ST8SIA6: variants seen among roughly 807,000 people sequenced by gnomAD.
The protein encoded by ST8SIA6 is alpha-2,8-sialyltransferase 8F.
Under a neutral mutation model 33.6 loss-of-function variants are expected in ST8SIA6, and 39 were observed. The observed-to-expected ratio is 1.16, with a 90% CI of 0.90 to 1.52. ST8SIA6 has a LOEUF of 1.52. Among genes scored for constraint, ST8SIA6 ranks in the 40% most tolerant of loss-of-function variants. The pLI, the probability that ST8SIA6 is intolerant of heterozygous loss-of-function variation, is 0.00. For missense variants in ST8SIA6, 441 were observed against 443.8 expected (o/e 0.99, Z 0.06); for synonymous variants, 172 against 167.2 (o/e 1.03, Z -0.22).
intron 2 of ST8SIA6, among the ~76,000 whole-genome samples, chr10:17,438,628 C>T (rs1408735013): frequency 1.3e-5 from 2 of 152,192 alleles, no homozygotes; most frequent in Admixed American, 6.5e-5. Flanking sequence ...TCCCTTCCTA[C>T]ACCTCCTCCT....
At chr10:17,406,660 C>G (rs1047884844) in intron 2 of ST8SIA6, among the ~76,000 whole-genome samples, 1 of 152,264 alleles carries the variant, frequency 6.6e-6, no homozygotes, top group African/African-American at 2.4e-5. Context: ...CTTGGCAGGC[C>G]TCTTAAGGCA....
chr10:17,396,231 T>C (rs1375441450), intron 2 of ST8SIA6, among the ~76,000 whole-genome samples: 4 of 152,240 alleles, frequency 2.6e-5, no homozygotes, highest in African/African-American at 9.6e-5. Context: ...TCTTGTCACC[T>C]GGCAAATCTG....
rs546508728 is a variant in ST8SIA6 at position 17,395,673 on chromosome 10, G to T, written c.201-5053C>A. Among the ~76,000 whole-genome samples, 8 of 152,052 alleles carry T rather than the reference G, an allele frequency of 5.3e-5. No homozygotes were observed. In the South Asian group the frequency reaches 8.3e-4, roughly 16 times the overall value. ...CAAGGCGGGCAGATCACCTGTGGTC[G>T]AGAGTTCAAGACCAGCCTGACCAAC... On this transcript the variant is annotated intron_variant, in intron 2 of 7. Transcript: ENST00000377602.
intron 3 of ST8SIA6, among the ~76,000 whole-genome samples, chr10:17,362,700 C>T (rs771758259): frequency 5.3e-5 from 8 of 152,078 alleles, no homozygotes; most frequent in Non-Finnish European, 1.2e-4. Flanking sequence ...TTTTCATTAA[C>T]CTAGGAAATG....
intron 7 of ST8SIA6, 125 bp from the exon 8 acceptor site, chr10:17,321,471 A>T (rs1847947462): frequency 1.3e-6 from 1 of 744,700 alleles, no homozygotes; most frequent in Non-Finnish European, 2.1e-6. Flanking sequence ...TATATAAAAC[A>T]GATAAAGTGT....
At chr10:17,381,227 G>C (rs1463599859) in intron 3 of ST8SIA6, among the ~76,000 whole-genome samples, 6 of 151,988 alleles carry the variant, frequency 3.9e-5, no homozygotes, top group Non-Finnish European at 8.8e-5. Flanking sequence ...TGTAAATTTT[G>C]CTATTTGATT....
chr10:17,454,082 G>A lies in ST8SIA6; in HGVS notation c.101+73C>T. 1 of 246,100 alleles carries A rather than the reference G, an allele frequency of 4.1e-6. No individual in the cohort carries two copies. Among genetic ancestry groups the A allele is most frequent in the Non-Finnish European group, 7.7e-6 (1 of 129,652 alleles). The allele number at this position is 246,100 out of a possible 1,614,324, so 15.2% of individuals were successfully genotyped here. On this transcript the variant is annotated intron_variant, in intron 1 of 7. Coordinates refer to ENST00000377602, the MANE Select transcript of ST8SIA6 (RefSeq NM_001004470.3). The surrounding 1 kb of genome is among the most constrained non-coding windows in gnomAD (Gnocchi z 4.1). ...GTCTCCGCGCCCGAGGGGAAGCGAT[G>A]GGCGGCTTGGGGGTCCGGGGGCGCC...
At chr10:17,409,136 T>G (rs556097420) in intron 2 of ST8SIA6, among the ~76,000 whole-genome samples, 3 of 152,294 alleles carry the variant, frequency 2.0e-5, no homozygotes, top group African/African-American at 7.2e-5. Context: ...GTTGACTCCA[T>G]GCTAATTTGA....
chr10:17,321,183 A>G lies in ST8SIA6; in HGVS notation c.892T>C (p.Phe298Leu). ...EESKARQKVLFFHPKYLKDLA... is the reference protein window; with the variant it reads ...EESKARQKVLLFHPKYLKDLA... ...TCTTTCAGGTACTTGGGATGGAAAA[A>G]TAGAACCTTTTGTCTTGCTTTAGAC... Residue 298 changes from phenylalanine (F) to leucine (L), a missense_variant, in exon 8 of 8, where the codon TTT (phenylalanine) becomes CTT (leucine). Phe to Leu is a conservative substitution (Grantham distance 22, BLOSUM62 0). Coordinates refer to ENST00000377602, the MANE Select transcript of ST8SIA6 (RefSeq NM_001004470.3). The G allele has an allele frequency of 6.2e-7, 1 of 1,614,140 alleles. No individual in the cohort carries two copies. The highest frequency in any genetic ancestry group is 8.5e-7 in the Non-Finnish European group (1 of 1,179,998).
intron 4 of ST8SIA6, among the ~76,000 whole-genome samples, chr10:17,336,309 G>A (rs996327027): frequency 2.0e-5 from 3 of 152,138 alleles, no homozygotes; most frequent in South Asian, 2.1e-4. Flanking sequence ...AAACCTGTAG[G>A]AAAGTTAAAA....
intron 3 of ST8SIA6, among the ~76,000 whole-genome samples, chr10:17,387,750 TAA>T (rs1382970279): frequency 6.6e-6 from 1 of 152,214 alleles, no homozygotes; most frequent in Non-Finnish European, 1.5e-5. Flanking sequence ...GTGAAAAAGT[TAA>T]GAGATTTCTG....
intron 5 of ST8SIA6, 89 bp downstream of exon 5, chr10:17,331,319 G>T (rs11817860): frequency 0.023 from 33,300 of 1,439,926 alleles, 469 homozygotes; most frequent in African/African-American, 0.048. Context: ...TTTTAATTGA[G>T]TCCATCATAA....
intron 2 of ST8SIA6, chr10:17,398,987 T>C (rs1850929544): frequency 6.6e-6 from 1 of 152,208 alleles, no homozygotes; most frequent in Non-Finnish European, 1.5e-5. Context: ...GCAAGCATCG[T>C]AGTCTACTGC....
intron 3 of ST8SIA6, among the ~76,000 whole-genome samples, chr10:17,370,706 C>T (rs1216785481): frequency 6.6e-6 from 1 of 152,146 alleles, no homozygotes; most frequent in East Asian, 1.9e-4. Context: ...TTTATCATCT[C>T]TTGTCATTTC....
intron 2 of ST8SIA6, among the ~76,000 whole-genome samples, chr10:17,404,320 A>G (rs1436924790): frequency 6.6e-6 from 1 of 152,124 alleles, no homozygotes. Context: ...CTCAGACGTT[A>G]CGCCATTCTA....
intron 4 of ST8SIA6, among the ~76,000 whole-genome samples, chr10:17,354,369 A>G (rs919442684): frequency 2.6e-5 from 4 of 152,122 alleles, no homozygotes; most frequent in Admixed American, 1.3e-4. Flanking sequence ...ATCCAGGTAG[A>G]TTTTTCACAA....
chr10:17,352,090 T>C (rs1226208919), intron 4 of ST8SIA6, among the ~76,000 whole-genome samples: 1 of 152,162 alleles, frequency 6.6e-6, no homozygotes, highest in Non-Finnish European at 1.5e-5. Flanking sequence ...ATATGTTAAT[T>C]AGCTTGATAT....
chr10:17,362,861 G>T (rs553111531), intron 3 of ST8SIA6, among the ~76,000 whole-genome samples: 1 of 151,918 alleles, frequency 6.6e-6, no homozygotes, highest in Non-Finnish European at 1.5e-5. Context: ...ACAGGCGCGC[G>T]TCCCCATGTC....
At chr10:17,428,978 G>T (rs903821380) in intron 2 of ST8SIA6, among the ~76,000 whole-genome samples, 4 of 152,052 alleles carry the variant, frequency 2.6e-5, no homozygotes, top group Non-Finnish European at 5.9e-5. Context: ...GGCCTGAGCT[G>T]CACCGCCACA....
Sources: gnomAD v4.1 joint callset for allele counts (sites outside exome capture counted in the v4.1 genomes callset) on GRCh38, gnomAD v4.1.1 for gene constraint, Gnocchi (gnomAD v3.1) non-coding constraint, MANE v1.5 for transcripts, NCBI Gene and HGNC (gene_info 2026-07-23, HGNC 2026-07-21) for gene names.